The following PLAAT3 variants were observed in gnomAD, a reference collection of about 807,000 sequenced individuals.
PLAAT3 encodes Ca-independent phospholipase A1/2.
A neutral mutation model predicts 16.7 loss-of-function variants in PLAAT3; 21 were observed. That is an observed-to-expected ratio of 1.26 (90% confidence interval 0.89 to 1.81). PLAAT3 has a LOEUF of 1.81. PLAAT3 is among the 40% of genes most tolerant of loss of function. The probability of loss-of-function intolerance (pLI) is 0.00; values close to 1 mark genes in which losing one functional copy is unlikely to be tolerated. For synonymous variants in PLAAT3, 76 were observed against 81.7 expected (o/e 0.93, Z 0.38); for missense variants, 219 against 213.7 (o/e 1.02, Z -0.16).
At chr11:63,581,213 A>G (rs1937805289) in intron 4 of PLAAT3, among the ~76,000 whole-genome samples, 1 of 152,242 alleles carries the variant, frequency 6.6e-6, no homozygotes, top group Non-Finnish European at 1.5e-5. Context: ...ATTTTCAGGG[A>G]ACAAGGAAAG....
At chr11:63,579,651 T>C (rs1271435610) in intron 4 of PLAAT3, among the ~76,000 whole-genome samples, 1 of 139,766 alleles carries the variant, frequency 7.2e-6, no homozygotes. Flanking sequence ...ATGTTCTCAC[T>C]CATAGGTGGG....
rs772336978 is a variant in PLAAT3, at chr11:63,614,023, G to T, written c.-9C>A. 6.2e-7 allele frequency: 1 copy of T among 1,611,732 alleles called. No homozygotes were observed. Among genetic ancestry groups the T allele is most frequent in the East Asian group, 2.2e-5 (1 of 44,804 alleles). Reference sequence around the variant, plus strand: ...ACAATGGGCGCACGCATCTTCCCTCGCGGTGTGGACCCTCAAGGCCAGGCT... The same window carrying T: ...ACAATGGGCGCACGCATCTTCCCTCTCGGTGTGGACCCTCAAGGCCAGGCT... On this transcript the variant is annotated 5_prime_UTR_variant, in exon 2 of 5. Transcript: ENST00000415826.
intron 4 of PLAAT3, among the ~76,000 whole-genome samples, chr11:63,578,063 G>A (rs527750740): frequency 5.3e-5 from 8 of 152,048 alleles, no homozygotes; most frequent in Non-Finnish European, 1.0e-4. Flanking sequence ...CAGGCAGATT[G>A]CTTGAGCTCA....
chr11:63,614,300 A>C, intron 1 of PLAAT3, 85 bp downstream of exon 1: 1 of 481,586 alleles, frequency 2.1e-6, no homozygotes, highest in East Asian at 3.6e-5. Flanking sequence ...ACCCAATTAG[A>C]TCTCTTCCTC....
At chr11:63,587,291 G>A (rs978922114) in intron 4 of PLAAT3, among the ~76,000 whole-genome samples, 7 of 151,992 alleles carry the variant, frequency 4.6e-5, no homozygotes, top group Non-Finnish European at 8.8e-5. Flanking sequence ...AGAACACTGA[G>A]GATGAAGAGA....
In PLAAT3 at chr11:63,614,041, G is replaced by T. The variant is rs763291519; in HGVS notation, c.-27C>A. 6 of 1,613,384 alleles carry T rather than the reference G, an allele frequency of 3.7e-6. No homozygotes were observed. The Admixed American group carries it at 5.0e-5, about 13-fold the overall frequency. On this transcript the variant is annotated 5_prime_UTR_variant, in exon 2 of 5. Transcript: ENST00000415826. Reference sequence around the variant, plus strand: ...TTCCCTCGCGGTGTGGACCCTCAAGGCCAGGCTCGATTTCGCTGCGTAGAT... The same window carrying T: ...TTCCCTCGCGGTGTGGACCCTCAAGTCCAGGCTCGATTTCGCTGCGTAGAT...
intron 3 of PLAAT3, among the ~76,000 whole-genome samples, chr11:63,592,836 T>C (rs1354183930): frequency 6.6e-6 from 1 of 152,200 alleles, no homozygotes; most frequent in Admixed American, 6.5e-5. Flanking sequence ...TTCAGCAAGT[T>C]TATAAGCTTC....
Position 63,574,878 on chromosome 11 carries a change from A to G in PLAAT3, c.*67T>C. The stretch of plus-strand genomic sequence containing the variant: ...CAATGAAATCCACAAACCAAACCCC[A>G]AACTCTCTAGCAAAACAAGACCCCC... On this transcript the variant is annotated 3_prime_UTR_variant, in exon 5 of 5. Transcript: ENST00000415826. 1 of 949,156 alleles carries G rather than the reference A, an allele frequency of 1.1e-6. No individual in the cohort carries two copies. The allele number at this position is 949,156 out of a possible 1,614,324, so 58.8% of individuals were successfully genotyped here.
At chr11:63,614,876 G>A (rs548866611), upstream of PLAAT3, among the ~76,000 whole-genome samples, 5 of 150,836 alleles carry the variant, frequency 3.3e-5, no homozygotes, top group Non-Finnish European at 5.9e-5. Context: ...TTAGCCGGGC[G>A]TGGAGGCATG....
chr11:63,584,486 T>A (rs996320011), intron 4 of PLAAT3, among the ~76,000 whole-genome samples: 5 of 150,524 alleles, frequency 3.3e-5, no homozygotes, highest in African/African-American at 1.2e-4. Context: ...GGAAATTTGA[T>A]TAATCATAAA....
At chr11:63,575,073 A>C in intron 4 of PLAAT3, 27 bp from the exon 5 acceptor site, 6 of 1,440,576 alleles carry the variant, frequency 4.2e-6, no homozygotes, top group Non-Finnish European at 5.9e-6. Context: ...GGTGGGTCAC[A>C]CTCTGTGTCA....
intron 4 of PLAAT3, among the ~76,000 whole-genome samples, chr11:63,586,318 G>C (rs982118345): frequency 6.6e-6 from 1 of 152,142 alleles, no homozygotes; most frequent in African/African-American, 2.4e-5. Flanking sequence ...ATTTTTAGTA[G>C]AGACGGGGTT....
chr11:63,609,260 G>A (rs987157551), intron 2 of PLAAT3, among the ~76,000 whole-genome samples: 4 of 152,222 alleles, frequency 2.6e-5, no homozygotes, highest in Non-Finnish European at 4.4e-5. Context: ...AAAGTCCAAG[G>A]TGGGTACTGA....
intron 4 of PLAAT3, among the ~76,000 whole-genome samples, chr11:63,586,742 C>A (rs929906521): frequency 1.3e-5 from 2 of 151,960 alleles, no homozygotes; most frequent in African/African-American, 2.4e-5. Flanking sequence ...AAAAAAACTT[C>A]TATTATACCT....
chr11:63,591,305 C>T (rs1489981282), intron 3 of PLAAT3, among the ~76,000 whole-genome samples: 1 of 152,098 alleles, frequency 6.6e-6, no homozygotes, highest in East Asian at 1.9e-4. Flanking sequence ...TCACTTGAGC[C>T]CTGGAGGTTT....
chr11:63,575,354 AG>A (rs1253115373), intron 4 of PLAAT3, among the ~76,000 whole-genome samples: 3 of 152,256 alleles, frequency 2.0e-5, no homozygotes, highest in Non-Finnish European at 2.9e-5. Context: ...AGCTGATGCC[AG>A]GATGGTCAAG....
intron 2 of PLAAT3, among the ~76,000 whole-genome samples, chr11:63,601,763 G>C (rs1206824378): frequency 6.6e-6 from 1 of 152,154 alleles, no homozygotes; most frequent in Non-Finnish European, 1.5e-5. Context: ...ATCACCCGAG[G>C]TCAGGAGTTC....
rs12794833 is a variant in PLAAT3 at position 63,584,517 on chromosome 11, T to G, written c.387+5583A>C. On this transcript the variant is annotated intron_variant, in intron 4 of 4. Transcript: ENST00000415826. The stretch of plus-strand genomic sequence containing the variant: ...ATAAACTTTTTTTTTTGTTTTTTTT[T>G]GTTTTTTTTTTTTTGAGACAGAGTC... Among the ~76,000 whole-genome samples the G allele has an allele frequency of 3.2e-3, 426 of 133,198 alleles. 6 individuals carry two copies. Among genetic ancestry groups the G allele is most frequent in the South Asian group, 0.012 (52 of 4,352 alleles). 87.4% of individuals were successfully genotyped at this position (133,198 alleles called of 152,430 possible). A position where few individuals can be genotyped will look rare whatever the true frequency, so the allele number is the denominator to read the frequency against.
intron 3 of PLAAT3, among the ~76,000 whole-genome samples, chr11:63,591,342 G>A (rs1021475711): frequency 3.3e-5 from 5 of 152,148 alleles, no homozygotes; most frequent in African/African-American, 9.7e-5. Context: ...AGATTGCGCC[G>A]CTGCACTCCG....
Sources: gnomAD v4.1 joint callset for allele counts (sites outside exome capture counted in the v4.1 genomes callset) on GRCh38, gnomAD v4.1.1 for gene constraint, MANE v1.5 for transcripts, NCBI Gene and HGNC (gene_info 2026-07-23, HGNC 2026-07-21) for gene names.